The following ZNF761 variants were observed in gnomAD, a reference collection of about 807,000 sequenced individuals.
ZNF761 encodes zinc finger protein 761.
A neutral mutation model predicts 59.9 loss-of-function variants in ZNF761; 43 were observed. The observed-to-expected ratio is 0.72, with a 90% CI of 0.56 to 0.92. ZNF761 has a LOEUF of 0.92. Ranked by LOEUF, ZNF761 falls within the 40% of genes least tolerant of loss-of-function variation. The pLI, the probability that ZNF761 is intolerant of heterozygous loss-of-function variation, is 0.00. For missense variants in ZNF761, 850 were observed against 906.1 expected (o/e 0.94, Z 0.79); for synonymous variants, 294 against 304.8 (o/e 0.96, Z 0.37).
In ZNF761 at chr19:53,454,592, T is replaced by G. The variant is rs1262052528; in HGVS notation, c.143-58T>G. Reference sequence around the variant, plus strand: ...GTTTTTTGTGTCGTATTTACACATTTCAGCATTATTTACCATCTGTACTTA... The same window carrying G: ...GTTTTTTGTGTCGTATTTACACATTGCAGCATTATTTACCATCTGTACTTA... On this transcript the variant is annotated intron_variant, in intron 4 of 4. Transcript: ENST00000684525. 2.0e-6 allele frequency: 3 copies of G among 1,492,540 alleles called. No homozygotes were observed. The African/African-American group carries it at 4.2e-5, about 21-fold the overall frequency. 92.5% of individuals were successfully genotyped at this position (1,492,540 alleles called of 1,614,324 possible).
chr19:53,450,112 G>A (rs1568811557), intron 4 of ZNF761: 6 of 274,988 alleles, frequency 2.2e-5, no homozygotes, highest in East Asian at 6.0e-5. Flanking sequence ...AGACCAGCCC[G>A]GCCAACATGG....
In ZNF761 at chr19:53,438,171, G is replaced by C. The variant is rs541070809; in HGVS notation, c.-185+6143G>C. ...GTTTAGTGTTCTAAAGTTGTGTAAG[G>C]GTTTTCACATAGAAGCCCTTGGTAC... On this transcript the variant is annotated intron_variant, in intron 1 of 4. Coordinates refer to ENST00000684525, the MANE Select transcript of ZNF761 (RefSeq NM_001289951.2). 3.2e-4 allele frequency among the ~76,000 whole-genome samples: 46 copies of C among 142,136 alleles called. 2 individuals carry two copies. Among genetic ancestry groups the C allele is most frequent in the Admixed American group, 4.4e-4 (6 of 13,612 alleles). 93.2% of individuals were successfully genotyped at this position (142,136 alleles called of 152,430 possible). A position where few individuals can be genotyped will look rare whatever the true frequency, so the allele number is the denominator to read the frequency against.
intron 1 of ZNF761, among the ~76,000 whole-genome samples, chr19:53,435,877 C>T (rs529962286): frequency 1.1e-4 from 17 of 152,262 alleles, no homozygotes; most frequent in African/African-American, 4.1e-4. Context: ...ACAAGGAAAA[C>T]TACTAGTCTT....
chr19:53,454,600 A>T, intron 4 of ZNF761, 50 bp from the exon 5 acceptor site: 1 of 1,510,440 alleles, frequency 6.6e-7, no homozygotes, highest in Non-Finnish European at 8.9e-7. Flanking sequence ...TTTCAGCATT[A>T]TTTACCATCT....
intron 4 of ZNF761, among the ~76,000 whole-genome samples, chr19:53,453,527 A>G (rs964149625): frequency 3.2e-4 from 49 of 152,304 alleles, no homozygotes; most frequent in African/African-American, 1.2e-3. Flanking sequence ...ATGATTGTAC[A>G]TGAGGCTTTT....
At chr19:53,433,511 C>A (rs1256093660) in intron 1 of ZNF761, among the ~76,000 whole-genome samples, 1 of 87,934 alleles carries the variant, frequency 1.1e-5, no homozygotes, top group Non-Finnish European at 2.2e-5. Context: ...TTCTTTTTAA[C>A]CCTTGCCTTG....
At chr19:53,452,245 G>A (rs1345938160) in intron 4 of ZNF761, among the ~76,000 whole-genome samples, 1 of 152,256 alleles carries the variant, frequency 6.6e-6, no homozygotes, top group East Asian at 1.9e-4. Flanking sequence ...CACTTTGGGA[G>A]GCTGAGAGGG....
intron 1 of ZNF761, among the ~76,000 whole-genome samples, chr19:53,437,241 C>G (rs1568800562): frequency 6.6e-6 from 1 of 151,860 alleles, no homozygotes; most frequent in Admixed American, 6.6e-5. Context: ...ACACTTGAAC[C>G]TGGGAAGCAG....
At chr19:53,435,707 G>A (rs2086034483) in intron 1 of ZNF761, among the ~76,000 whole-genome samples, 1 of 151,974 alleles carries the variant, frequency 6.6e-6, no homozygotes. Flanking sequence ...TGTGTACAGT[G>A]GGGACACATT....
chr19:53,441,861 G>C (rs4803124), intron 1 of ZNF761: 1,133,522 of 1,567,924 alleles, frequency 0.72, 413,515 homozygotes, highest in South Asian at 0.77. Flanking sequence ...TGGGTGGGCA[G>C]CATGGCTGGG....
chr19:53,439,508 C>T (rs1338046581), intron 1 of ZNF761, among the ~76,000 whole-genome samples: 4 of 151,964 alleles, frequency 2.6e-5, no homozygotes, highest in South Asian at 2.1e-4. Flanking sequence ...AGAGCTGTGA[C>T]GCTTCTTTTC....
At chr19:53,437,204 C>G (rs2617753) in intron 1 of ZNF761, among the ~76,000 whole-genome samples, 140,244 of 151,996 alleles carry the variant, frequency 0.92, 64,811 homozygotes, top group African/African-American at 0.96. Context: ...TGTAATCCCA[C>G]CTACTAGGGA....
At chr19:53,435,595 G>C (rs969233488) in intron 1 of ZNF761, among the ~76,000 whole-genome samples, 1 of 152,068 alleles carries the variant, frequency 6.6e-6, no homozygotes, top group South Asian at 2.1e-4. Flanking sequence ...GAGCAACTGT[G>C]CCTGGCCTTT....
At chr19:53,441,311 C>A (rs1403446659) in intron 1 of ZNF761, among the ~76,000 whole-genome samples, 1 of 152,098 alleles carries the variant, frequency 6.6e-6, no homozygotes, top group Non-Finnish European at 1.5e-5. Context: ...AAATAAAAAA[C>A]AAAAGGGACA....
chr19:53,443,581 G>A (rs1301160545), intron 1 of ZNF761: 4 of 152,186 alleles, frequency 2.6e-5, no homozygotes, highest in African/African-American at 4.8e-5. Context: ...CTATAGGTGT[G>A]TCAGGTTAAC....
At position 53,456,330 on chromosome 19, in the gene ZNF761, G is replaced by T. The variant is rs2086270594; in HGVS notation, c.1823G>T (p.Cys608Phe). 2 of 1,611,334 alleles carry T rather than the reference G, an allele frequency of 1.2e-6. No individual in the cohort carries two copies. The highest frequency in any genetic ancestry group is 1.7e-6 in the Non-Finnish European group (2 of 1,177,946). ...CATACTGAAGAGAATCCTTACAAGT[G>T]TAATGAGTGTGGCAAGACCTTCAGT... ...KIHTEENPYK[C>F]NECGKTFSRT... is the part of the protein sequence containing the mutation. Residue 608 changes from cysteine (C) to phenylalanine (F), a missense_variant, in exon 5 of 5, where the codon TGT becomes TTT. Cys to Phe is a radical substitution (Grantham distance 205). Transcript: ENST00000684525.
At chr19:53,450,521 T>C (rs2086212357) in intron 4 of ZNF761, among the ~76,000 whole-genome samples, 4 of 152,192 alleles carry the variant, frequency 2.6e-5, no homozygotes, top group Admixed American at 2.6e-4. Flanking sequence ...TAGGTTTTTT[T>C]TGTTCTTCAT....
intron 1 of ZNF761, chr19:53,441,664 C>T (rs989250917): frequency 2.2e-6 from 1 of 450,776 alleles, no homozygotes; most frequent in African/African-American, 2.0e-5. Context: ...CCAGGCTGGC[C>T]TTGAACTCCT....
intron 4 of ZNF761, among the ~76,000 whole-genome samples, chr19:53,450,992 C>CAAAAAAA (rs34019664): frequency 8.2e-6 from 1 of 121,970 alleles, no homozygotes; most frequent in African/African-American, 2.8e-5. Context: ...GACTCTGTCT[C>CAAAAAAA]AAAAAAAAAA....
Sources: allele counts gnomAD v4.1 joint callset (sites outside exome capture counted in the v4.1 genomes callset), GRCh38; gene constraint gnomAD v4.1.1; transcripts MANE v1.5; gene names NCBI Gene and HGNC (gene_info 2026-07-23, HGNC 2026-07-21).